C19orf38: variants seen among roughly 807,000 people sequenced by gnomAD.
C19orf38 encodes the protein protein HIDE1.
C19orf38 carries 14 observed loss-of-function variants against 26.6 expected under a neutral mutation model. The ratio of observed to expected loss-of-function variants is 0.53; its 90% CI spans 0.35 to 0.82. The LOEUF (loss-of-function observed/expected upper bound fraction) is 0.82. C19orf38 is among the 40% of genes least tolerant of loss of function. The probability of loss-of-function intolerance (pLI) is 0.01; values close to 1 mark genes in which losing one functional copy is unlikely to be tolerated. For synonymous variants in C19orf38, 132 were observed against 128.5 expected, an observed-to-expected ratio of 1.03 and a Z score of -0.18; for missense variants, 261 against 299.5, an observed-to-expected ratio of 0.87 and a Z score of 0.95.
chr19:10,848,647 C>T (rs929199570), intron 1 of C19orf38, 108 bp downstream of exon 1: 61 of 1,062,716 alleles, frequency 5.7e-5, no homozygotes, highest in Non-Finnish European at 1.4e-5. Flanking sequence ...GTTCTCAGGG[C>T]ATCGAGGAGG....
chr19:10,856,092 T>C (rs1270508655), intron 2 of C19orf38, among the ~76,000 whole-genome samples, 173 bp from the exon 3 acceptor site: 1 of 152,202 alleles, frequency 6.6e-6, no homozygotes, highest in Admixed American at 6.6e-5. Context: ...CCAATCACAA[T>C]AGCCAGGAGC....
intron 1 of C19orf38, among the ~76,000 whole-genome samples, chr19:10,841,205 T>A (rs913122645): frequency 6.6e-6 from 1 of 152,182 alleles, no homozygotes; most frequent in Non-Finnish European, 1.5e-5. Flanking sequence ...TGGACCCTCA[T>A]GCTTGTAATC....
chr19:10,849,754 A>G (rs1434986079), intron 1 of C19orf38, among the ~76,000 whole-genome samples: 1 of 152,130 alleles, frequency 6.6e-6, no homozygotes, highest in East Asian at 1.9e-4. Flanking sequence ...TTGCTATGTA[A>G]TAACCAATGC....
chr19:10,859,798 G>T (rs1489003675), intron 4 of C19orf38, 117 bp from the exon 5 acceptor site: 3 of 874,324 alleles, frequency 3.4e-6, no homozygotes, highest in Non-Finnish European at 5.6e-6. Context: ...TGGGTCAGTG[G>T]GTGGGGAGCA....
At chr19:10,863,283 C>A in intron 6 of C19orf38, 76 bp downstream of exon 6, 2 of 1,469,792 alleles carry the variant, frequency 1.4e-6, no homozygotes, top group Non-Finnish European at 1.9e-6. Flanking sequence ...TCAAGGGGCA[C>A]CACGAGGCTA....
At chr19:10,844,611 G>A (rs1477949653), upstream of C19orf38, among the ~76,000 whole-genome samples, 2 of 150,820 alleles carry the variant, frequency 1.3e-5, no homozygotes, top group East Asian at 3.9e-4. Flanking sequence ...ACTTTGGGAG[G>A]CTGAGGCGGG....
At chr19:10,837,652 C>T (rs1013183402) in intron 1 of C19orf38, among the ~76,000 whole-genome samples, 3 of 151,406 alleles carry the variant, frequency 2.0e-5, no homozygotes, top group Non-Finnish European at 2.9e-5. Context: ...AGACTACAGG[C>T]ACGTGCCACC....
chr19:10,865,999 T>A (rs1038798958), intron 6 of C19orf38, among the ~76,000 whole-genome samples: 11 of 151,264 alleles, frequency 7.3e-5, no homozygotes, highest in African/African-American at 2.4e-4. Context: ...ATATATATAT[T>A]TATTTATTTA....
upstream of C19orf38, among the ~76,000 whole-genome samples, chr19:10,846,191 ATGTTTTTTTGT>A (rs775596969): frequency 1.3e-3 from 200 of 151,628 alleles, 1 homozygote; most frequent in Admixed American, 4.7e-3. Flanking sequence ...CAAAAAAAAA[ATGTTTTTTTGT>A]TGTTTTTTTT....
Position 10,850,441 on chromosome 19 carries a change from T to G in C19orf38, c.214T>G (p.Phe72Val), listed in dbSNP as rs2073560481. 1.9e-6 allele frequency: 3 copies of G among 1,551,324 alleles called. No individual in the cohort carries two copies. The highest frequency in any genetic ancestry group is 1.7e-6 in the Non-Finnish European group (2 of 1,146,912). Residue 72 changes from phenylalanine (F) to valine (V), a missense_variant, in exon 2 of 7, where the codon TTT becomes GTT. Physicochemically the swap from Phe to Val is conservative, Grantham distance 50. Transcript: ENST00000397820. ...QAPTDQRGVT[F>V]NLSGGSSKAP... ...CCCCACGGACCAGCGCGGGGTGACA[T>G]TTAACCTGAGCGGCGGCAGCAGCAA...
At chr19:10,854,595 G>A (rs906698613) in intron 2 of C19orf38, among the ~76,000 whole-genome samples, 2 of 152,152 alleles carry the variant, frequency 1.3e-5, no homozygotes, top group Non-Finnish European at 1.5e-5. Context: ...AATACCAAGC[G>A]TCTGTCTTCT....
At chr19:10,841,979 T>C (rs141082580) in intron 1 of C19orf38, 21 of 1,610,444 alleles carry the variant, frequency 1.3e-5, no homozygotes, top group Admixed American at 1.7e-5. Context: ...TTTCAGGTCT[T>C]AAATCTGGAG....
At position 10,849,991 on chromosome 19, in the gene C19orf38, G is replaced by A. The variant is rs979457715; in HGVS notation, c.32-268G>A. Among the ~76,000 whole-genome samples the A allele has an allele frequency of 2.7e-5, 4 of 149,540 alleles. No individual in the cohort carries two copies. In the South Asian group the frequency reaches 6.4e-4, roughly 24 times the overall value. On this transcript the variant is annotated intron_variant, in intron 1 of 6. Transcript: ENST00000397820. ...GGAGAATCACTTGAACCCGGGAGGT[G>A]GAGGCTGTAGTGAGCCGAGATCACA... is the stretch of plus-strand genomic sequence containing the variant.
chr19:10,837,455 C>T (rs749749928), intron 1 of C19orf38, among the ~76,000 whole-genome samples: 2 of 147,614 alleles, frequency 1.4e-5, no homozygotes, highest in Admixed American at 6.8e-5. Context: ...CAGTGGAGAA[C>T]GGGTGACTCC....
chr19:10,843,229 G>A (rs996072855), intron 1 of C19orf38, among the ~76,000 whole-genome samples: 1 of 152,180 alleles, frequency 6.6e-6, no homozygotes, highest in Admixed American at 6.5e-5. Flanking sequence ...GTGGAGGGTG[G>A]GGATCAATCT....
chr19:10,838,309 C>T (rs190151075), intron 1 of C19orf38, among the ~76,000 whole-genome samples: 139 of 152,264 alleles, frequency 9.1e-4, no homozygotes, highest in African/African-American at 3.3e-3. Flanking sequence ...ACTCTGGAGG[C>T]TGAGGCAGGA....
chr19:10,838,144 C>T (rs2146233262), intron 1 of C19orf38, among the ~76,000 whole-genome samples: 1 of 152,256 alleles, frequency 6.6e-6, no homozygotes, highest in East Asian at 1.9e-4. Context: ...GGTGTGGTGG[C>T]TTACACCTGT....
chr19:10,853,017 C>G (rs2073588011), intron 2 of C19orf38, among the ~76,000 whole-genome samples: 1 of 151,066 alleles, frequency 6.6e-6, no homozygotes, highest in South Asian at 2.1e-4. Context: ...TCAAGATCAG[C>G]CTGGGCAACA....
At chr19:10,848,341 C>T, upstream of C19orf38, 1 of 669,086 alleles carries the variant, frequency 1.5e-6, no homozygotes, top group Non-Finnish European at 2.6e-6. Context: ...GAGAGAGTCC[C>T]TTTCAGTGCC....
Sources: gnomAD v4.1 joint callset for allele counts (sites outside exome capture counted in the v4.1 genomes callset) on GRCh38, gnomAD v4.1.1 for gene constraint, MANE v1.5 for transcripts, NCBI Gene and HGNC (gene_info 2026-07-23, HGNC 2026-07-21) for gene names.